Variants in RFC4 observed in about 807,000 individuals in gnomAD.
RFC4 encodes replication factor C subunit 4.
A neutral mutation model predicts 47.6 loss-of-function variants in RFC4; 38 were observed. The ratio of observed to expected loss-of-function variants is 0.80; its 90% CI spans 0.62 to 1.05. The LOEUF is 1.05. Ranked by LOEUF, RFC4 falls within the 50% of genes least tolerant of loss-of-function variation. RFC4 has a pLI of 0.00. For missense variants in RFC4, 489 were observed against 434.0 expected, an observed-to-expected ratio of 1.13 and a Z score of -1.13; for synonymous variants, 164 against 150.0, an observed-to-expected ratio of 1.09 and a Z score of -0.68.
chr3:186,789,932 CATT>C lies in RFC4; in HGVS notation c.*34_*36del, dbSNP rs774101883. On this transcript the variant is annotated 3_prime_UTR_variant, in exon 11 of 11. Coordinates refer to ENST00000296273, the MANE Select transcript of RFC4 (RefSeq NM_002916.5). The stretch of plus-strand genomic sequence containing the variant: ...GGTCATTTTATTTTTATTACAACTT[CATT>C]ATTTACAAAACCCCCCATCCAGATA... 1.6e-6 allele frequency: 2 copies of C among 1,276,628 alleles called. No individual in the cohort carries two copies. The highest frequency in any genetic ancestry group is 2.3e-6 in the Non-Finnish European group (2 of 887,606). 79.1% of individuals were successfully genotyped at this position (1,276,628 alleles called of 1,614,324 possible).
At chr3:186,799,823 T>C (rs1722315863) in intron 3 of RFC4, among the ~76,000 whole-genome samples, 1 of 152,216 alleles carries the variant, frequency 6.6e-6, no homozygotes, top group Non-Finnish European at 1.5e-5. Flanking sequence ...GTAATTACTA[T>C]GCAACTGCAA....
At chr3:186,801,710 C>CAAAAAAAAAA (rs34281312) in intron 2 of RFC4, among the ~76,000 whole-genome samples, 1 of 72,932 alleles carries the variant, frequency 1.4e-5, no homozygotes, top group East Asian at 4.0e-4. Context: ...GACTCTGTCT[C>CAAAAAAAAAA]AAAAAAAAAA....
chr3:186,792,426 G>C, intron 7 of RFC4, 64 bp downstream of exon 7: 7 of 1,426,174 alleles, frequency 4.9e-6, no homozygotes, highest in Non-Finnish European at 6.8e-6. Flanking sequence ...ATCTTTCAGG[G>C]CCTCTTTATA....
chr3:186,789,904 T>C lies in RFC4; in HGVS notation c.*65A>G. 1 of 1,023,448 alleles carries C rather than the reference T, an allele frequency of 9.8e-7. No homozygotes were observed. The highest frequency in any genetic ancestry group is 2.1e-5 in the Admixed American group (1 of 48,044). 63.4% of individuals were successfully genotyped at this position (1,023,448 alleles called of 1,614,324 possible). ...ATTGTATATTCACTTTAAAGGTGCT[T>C]TTGGTCATTTTATTTTTATTACAAC... On this transcript the variant is annotated 3_prime_UTR_variant, in exon 11 of 11. Coordinates refer to ENST00000296273, the MANE Select transcript of RFC4 (RefSeq NM_002916.5).
intron 2 of RFC4, among the ~76,000 whole-genome samples, chr3:186,804,228 G>A (rs987955672): frequency 6.6e-6 from 1 of 152,076 alleles, no homozygotes; most frequent in African/African-American, 2.4e-5. Flanking sequence ...ATTGTAATGA[G>A]AAGAAGGAGG....
rs757236240 is a variant in RFC4 at position 186,800,553 on chromosome 3, A to T, written c.210+564T>A. On this transcript the variant is annotated intron_variant, in intron 3 of 10. Coordinates refer to ENST00000296273, the MANE Select transcript of RFC4 (RefSeq NM_002916.5). ...CAACTTTAAGTTGCTAATTTTTCAC[A>T]TGGGTTTATCTTATCTCAGAATAAT... is the stretch of plus-strand genomic sequence containing the variant. Among the ~76,000 whole-genome samples, 33 of 152,172 alleles carry T rather than the reference A, an allele frequency of 2.2e-4. 1 individual carries two copies. Among genetic ancestry groups the T allele is most frequent in the Admixed American group, 7.2e-4 (11 of 15,266 alleles).
intron 7 of RFC4, among the ~76,000 whole-genome samples, chr3:186,792,246 A>G (rs1469684457): frequency 1.3e-5 from 2 of 152,232 alleles, no homozygotes; most frequent in East Asian, 1.9e-4. Flanking sequence ...AATTTGCATT[A>G]TATGTATGAA....
chr3:186,792,362 T>TA lies in RFC4; in HGVS notation c.675+127dup. 6.8e-6 allele frequency: 5 copies of TA among 734,548 alleles called. No individual in the cohort carries two copies. In the East Asian group the frequency reaches 1.3e-4, roughly 18 times the overall value. The allele number at this position is 734,548 out of a possible 1,614,324, so 45.5% of individuals were successfully genotyped here. On this transcript the variant is annotated intron_variant, in intron 7 of 10. Coordinates refer to ENST00000296273, the MANE Select transcript of RFC4 (RefSeq NM_002916.5). ...CTACACATTTCAATTGTTGCCCCTT[T>TA]AGCTTAAGTTTGTCTGAAGAACTGG...
chr3:186,801,710 C>CA lies in RFC4; in HGVS notation c.132-516dup, dbSNP rs34281312. Among the ~76,000 whole-genome samples the CA allele has an allele frequency of 7.1e-3, 514 of 72,704 alleles. 11 individuals carry two copies. The highest frequency in any genetic ancestry group is 0.016 in the African/African-American group (289 of 17,806). 47.7% of individuals were successfully genotyped at this position (72,704 alleles called of 152,430 possible). A position where few individuals can be genotyped will look rare whatever the true frequency, so the allele number is the denominator to read the frequency against. On this transcript the variant is annotated intron_variant, in intron 2 of 10. Coordinates refer to ENST00000296273, the MANE Select transcript of RFC4 (RefSeq NM_002916.5). ...TGGGTGACAGAGGGAGACTCTGTCT[C>CA]AAAAAAAAAAAAAAAAAAAAAGAAA...
In RFC4 at chr3:186,789,933, ATT is replaced by A; in HGVS notation, c.*34_*35del. On this transcript the variant is annotated 3_prime_UTR_variant, in exon 11 of 11. Coordinates refer to ENST00000296273, the MANE Select transcript of RFC4 (RefSeq NM_002916.5). ...GTCATTTTATTTTTATTACAACTTC[ATT>A]ATTTACAAAACCCCCCATCCAGATA... The A allele has an allele frequency of 7.7e-7, 1 of 1,290,694 alleles. No homozygotes were observed. The highest frequency in any genetic ancestry group is 1.1e-6 in the Non-Finnish European group (1 of 899,636). 80.0% of individuals were successfully genotyped at this position (1,290,694 alleles called of 1,614,324 possible).
Position 186,790,325 on chromosome 3 carries a change from C to T in RFC4, c.882+1G>A, listed in dbSNP as rs754595641. The T allele has an allele frequency of 6.2e-6, 10 of 1,612,628 alleles. No homozygotes were observed. The highest frequency in any genetic ancestry group is 8.5e-6 in the Non-Finnish European group (10 of 1,178,770). On this transcript the variant is annotated splice_donor_variant, in intron 9 of 10. Transcript: ENST00000296273. LOFTEE classifies it high-confidence loss of function. Reference sequence around the variant, plus strand: ...CCCCAAAGTTAGTAAGCTGACTTTACCTTGACCACAGCTTCTAGTTTGTCA... The same window carrying T: ...CCCCAAAGTTAGTAAGCTGACTTTATCTTGACCACAGCTTCTAGTTTGTCA...
At position 186,793,082 on chromosome 3, in the gene RFC4, G is replaced by C. The variant is rs893144888; in HGVS notation, c.411-135C>G. ...CAGTGTTTTTCTGTATGTTCACAAA[G>C]TTGTGCAACCATTACCACAATCTAA... On this transcript the variant is annotated intron_variant, in intron 5 of 10. Transcript: ENST00000296273. The surrounding 1 kb of genome is among the most constrained non-coding windows in gnomAD (Gnocchi z 4.2). 1.7e-5 allele frequency: 13 copies of C among 750,490 alleles called. No individual in the cohort carries two copies. The highest frequency in any genetic ancestry group is 2.1e-6 in the Non-Finnish European group (1 of 484,354). The allele number at this position is 750,490 out of a possible 1,614,324, so 46.5% of individuals were successfully genotyped here.
At chr3:186,804,775 C>G in intron 1 of RFC4, 51 bp from the exon 2 acceptor site, 1 of 1,555,324 alleles carries the variant, frequency 6.4e-7, no homozygotes, top group Non-Finnish European at 8.8e-7. Flanking sequence ...ACTTTTATTG[C>G]GAATCAGCAC....
At chr3:186,803,802 G>A (rs1368319777) in intron 2 of RFC4, among the ~76,000 whole-genome samples, 1 of 151,780 alleles carries the variant, frequency 6.6e-6, no homozygotes, top group Non-Finnish European at 1.5e-5. Context: ...AGGATTATAG[G>A]CATGAGCCAC....
At chr3:186,790,283 T>TGAC in intron 9 of RFC4, 28 bp from the exon 10 acceptor site, 1 of 1,610,722 alleles carries the variant, frequency 6.2e-7, no homozygotes, top group Non-Finnish European at 8.5e-7. Context: ...TTTGGTATGA[T>TGAC]GACTTAATAT....
chr3:186,790,409 A>G lies in RFC4; in HGVS notation c.802-3T>C, dbSNP rs768740787. 2 of 1,603,384 alleles carry G rather than the reference A, an allele frequency of 1.2e-6. No homozygotes were observed. Among genetic ancestry groups the G allele is most frequent in the South Asian group, 2.2e-5 (2 of 90,822 alleles). The stretch of plus-strand genomic sequence containing the variant: ...TCAATTTTCTCAGCTGGTATTACCT[A>G]GGTAATTGAATGTTCGGTATTAAAG... On this transcript the variant is annotated splice_polypyrimidine_tract_variant and splice_region_variant and intron_variant, in intron 8 of 10. Coordinates refer to ENST00000296273, the MANE Select transcript of RFC4 (RefSeq NM_002916.5).
intron 2 of RFC4, among the ~76,000 whole-genome samples, chr3:186,803,366 C>A: frequency 6.6e-6 from 1 of 151,806 alleles, no homozygotes; most frequent in South Asian, 2.1e-4. Context: ...AACAAAAAGG[C>A]AAGCAAAAAA....
At chr3:186,804,801 G>A (rs1722442076) in intron 1 of RFC4, 77 bp from the exon 2 acceptor site, 12 of 1,382,816 alleles carry the variant, frequency 8.7e-6, no homozygotes, top group Non-Finnish European at 1.2e-5. Context: ...GAAAGCGGGG[G>A]TGGTGGTGGG....
chr3:186,790,278 T>C (rs780847995), intron 9 of RFC4, 23 bp from the exon 10 acceptor site: 3 of 1,610,658 alleles, frequency 1.9e-6, no homozygotes, highest in East Asian at 4.5e-5. Context: ...AAACTTTTGG[T>C]ATGATGACTT....
Sources: allele counts gnomAD v4.1 joint callset (sites outside exome capture counted in the v4.1 genomes callset), GRCh38; gene constraint gnomAD v4.1.1; non-coding constraint Gnocchi (gnomAD v3.1); transcripts MANE v1.5; gene names NCBI Gene and HGNC (gene_info 2026-07-23, HGNC 2026-07-21).